SUPT3H: variants seen among roughly 807,000 people sequenced by gnomAD.
The protein encoded by SUPT3H is SPT3 homolog, SAGA and STAGA complex component.
SUPT3H carries 44 observed loss-of-function variants against 44.3 expected under a neutral mutation model. The observed-to-expected ratio is 0.99, with a 90% CI of 0.78 to 1.28. The LOEUF is 1.28. SUPT3H is among the 50% of genes most tolerant of loss of function. The pLI is 0.00. For synonymous variants in SUPT3H, 124 were observed against 125.6 expected (o/e 0.99, Z 0.09); for missense variants, 380 against 387.1 (o/e 0.98, Z 0.15).
intron 10 of SUPT3H, among the ~76,000 whole-genome samples, chr6:44,864,840 T>C (rs1369788691): frequency 6.6e-6 from 1 of 152,228 alleles, no homozygotes; most frequent in Non-Finnish European, 1.5e-5. Flanking sequence ...ATTTTCCCCA[T>C]TGTCTTGGGG....
intron 1 of SUPT3H, among the ~76,000 whole-genome samples, chr6:45,366,186 G>A (rs1165202048): frequency 6.6e-6 from 1 of 152,138 alleles, no homozygotes; most frequent in East Asian, 1.9e-4. Context: ...ATTTTTTGCA[G>A]TTTCTAAAGA....
rs1173171872 is a variant in SUPT3H at position 44,928,895 on chromosome 6, AAAAAAAAAAG to A, written c.912+3748_912+3757del. Among the ~76,000 whole-genome samples the A allele has an allele frequency of 1.3e-4, 17 of 134,350 alleles. 1 individual carries two copies. The East Asian group carries it at 1.3e-3, about 11-fold the overall frequency. The allele number at this position is 134,350 out of a possible 152,430, so 88.1% of individuals were successfully genotyped here. ...GAGACTCCGTCTCAAAAAAAAAAAAAAAAAAAAAAGAAAAGAAAAGAAACAAATCACCAAT... is the reference window on the plus strand; with the variant it reads ...GAGACTCCGTCTCAAAAAAAAAAAAAAAAAGAAAAGAAACAAATCACCAAT... On this transcript the variant is annotated intron_variant, in intron 10 of 10. Transcript: ENST00000371459.
intron 5 of SUPT3H, among the ~76,000 whole-genome samples, chr6:45,013,212 C>A (rs746721023): frequency 1.3e-5 from 2 of 152,070 alleles, no homozygotes; most frequent in African/African-American, 4.8e-5. Context: ...TTAACTATCT[C>A]TTTCCCTTGT....
chr6:44,813,496 G>A (rs567341098), intron 11 of SUPT3H, among the ~76,000 whole-genome samples: 12 of 151,168 alleles, frequency 7.9e-5, no homozygotes, highest in Non-Finnish European at 1.3e-4. Flanking sequence ...AGCCCAGAGC[G>A]TCTATATCTT....
chr6:45,279,959 T>A (rs967295605), intron 2 of SUPT3H, among the ~76,000 whole-genome samples: 1 of 152,168 alleles, frequency 6.6e-6, no homozygotes, highest in East Asian at 1.9e-4. Context: ...CTGATGACCA[T>A]TCCTATCTAT....
chr6:44,898,559 C>A (rs914294248), intron 10 of SUPT3H, among the ~76,000 whole-genome samples: 4 of 152,228 alleles, frequency 2.6e-5, no homozygotes, highest in African/African-American at 9.6e-5. Context: ...TTCCTGCCCA[C>A]AGAAATCACC....
intron 2 of SUPT3H, among the ~76,000 whole-genome samples, chr6:45,196,307 TAA>T (rs1354804170): frequency 6.6e-6 from 1 of 152,058 alleles, no homozygotes; most frequent in African/African-American, 2.4e-5. Context: ...CCACAAATAG[TAA>T]AAGTGTACTC....
At chr6:44,967,575 G>A (rs1776949161) in intron 6 of SUPT3H, among the ~76,000 whole-genome samples, 1 of 152,300 alleles carries the variant, frequency 6.6e-6, no homozygotes, top group East Asian at 1.9e-4. Flanking sequence ...CCACTTTGAG[G>A]TGTAAGGCTG....
At chr6:45,264,883 G>A (rs955064601) in intron 2 of SUPT3H, among the ~76,000 whole-genome samples, 6 of 151,954 alleles carry the variant, frequency 3.9e-5, no homozygotes, top group Admixed American at 3.9e-4. Flanking sequence ...CTAGTTTAAA[G>A]AAAAGAGAAA....
intron 10 of SUPT3H, among the ~76,000 whole-genome samples, chr6:44,862,793 A>G (rs1201465807): frequency 6.6e-6 from 1 of 152,048 alleles, no homozygotes; most frequent in African/African-American, 2.4e-5. Flanking sequence ...TGTATTTGTT[A>G]AAATATTAGT....
chr6:44,817,953 A>T (rs574829440), intron 11 of SUPT3H, among the ~76,000 whole-genome samples: 1 of 152,308 alleles, frequency 6.6e-6, no homozygotes, highest in South Asian at 2.1e-4. Flanking sequence ...AAAATTTCAG[A>T]AAGTGTTTTG....
chr6:45,342,094 A>G (rs1367983708), intron 2 of SUPT3H, among the ~76,000 whole-genome samples: 2 of 152,184 alleles, frequency 1.3e-5, no homozygotes, highest in Non-Finnish European at 2.9e-5. Flanking sequence ...GTTATGGAAG[A>G]GGCAAAGAAT....
At chr6:45,125,008 A>AAC (rs1239986368) in intron 2 of SUPT3H, among the ~76,000 whole-genome samples, 1 of 152,206 alleles carries the variant, frequency 6.6e-6, no homozygotes, top group Non-Finnish European at 1.5e-5. Flanking sequence ...AAAGCCACGA[A>AAC]ACACCAAGGA....
chr6:45,055,354 C>T (rs1790939118), intron 3 of SUPT3H, among the ~76,000 whole-genome samples: 1 of 152,024 alleles, frequency 6.6e-6, no homozygotes, highest in African/African-American at 2.4e-5. Context: ...AAGAAGGCTG[C>T]ATAGACAAAG....
At chr6:45,294,045 A>G (rs754850201) in intron 2 of SUPT3H, among the ~76,000 whole-genome samples, 31 of 152,198 alleles carry the variant, frequency 2.0e-4, no homozygotes, top group Non-Finnish European at 4.3e-4. Flanking sequence ...AAAGAAAACT[A>G]CAGACCAATA....
intron 2 of SUPT3H, among the ~76,000 whole-genome samples, chr6:45,230,686 A>ATATATATATATTTTTTTTTTTTTTTT (rs796866510): frequency 4.3e-5 from 5 of 116,792 alleles, no homozygotes; most frequent in Non-Finnish European, 9.1e-5. Context: ...ATATATATAT[A>ATATATATATATTTTTTTTTTTTTTTT]TTTTTGAGAT....
At chr6:45,331,591 T>C (rs77404483) in intron 2 of SUPT3H, among the ~76,000 whole-genome samples, 3,094 of 152,082 alleles carry the variant, frequency 0.02, 43 homozygotes, top group Non-Finnish European at 0.032. Context: ...CAAAGACTCA[T>C]ATAAATTATT....
At chr6:44,992,463 T>C (rs1157554488) in intron 6 of SUPT3H, among the ~76,000 whole-genome samples, 1 of 152,196 alleles carries the variant, frequency 6.6e-6, no homozygotes, top group Non-Finnish European at 1.5e-5. Context: ...CTTCCCTTGA[T>C]GTAGGAAAGG....
chr6:45,144,382 T>C (rs1244776921), intron 2 of SUPT3H, among the ~76,000 whole-genome samples: 4 of 151,926 alleles, frequency 2.6e-5, no homozygotes, highest in Non-Finnish European at 5.9e-5. Flanking sequence ...ATATATCACA[T>C]AAACAGAATT....
Sources: allele counts gnomAD v4.1 joint callset (sites outside exome capture counted in the v4.1 genomes callset), GRCh38; gene constraint gnomAD v4.1.1; transcripts MANE v1.5; gene names NCBI Gene and HGNC (gene_info 2026-07-23, HGNC 2026-07-21).